The following WWTR1 variants were observed in gnomAD, a reference collection of about 807,000 sequenced individuals.
WWTR1 encodes the protein WW domain-containing transcription regulator protein 1.
A neutral mutation model predicts 40.1 loss-of-function variants in WWTR1; 13 were observed. The observed-to-expected ratio is 0.32, with a 90% CI of 0.21 to 0.52. The LOEUF (loss-of-function observed/expected upper bound fraction) is 0.52. Ranked by LOEUF, WWTR1 falls within the 20% of genes least tolerant of loss-of-function variation. WWTR1 has a pLI of 0.97. For synonymous variants in WWTR1, 230 were observed against 210.1 expected (o/e 1.09, Z -0.82); for missense variants, 436 against 523.1 (o/e 0.83, Z 1.63).
chr3:149,576,376 CTCTG>C, intron 2 of WWTR1: 1 of 289,428 alleles, frequency 3.5e-6, no homozygotes, highest in South Asian at 3.7e-5. Flanking sequence ...CACTCTTTCA[CTCTG>C]CTGTCTCATC....
chr3:149,601,897 G>A (rs939147000), intron 2 of WWTR1, among the ~76,000 whole-genome samples: 8 of 152,028 alleles, frequency 5.3e-5, no homozygotes, highest in African/African-American at 1.7e-4. Context: ...GCCTCAGAAC[G>A]GAAGAAATTC....
chr3:149,585,707 A>C (rs887381375), intron 2 of WWTR1, among the ~76,000 whole-genome samples: 3 of 152,222 alleles, frequency 2.0e-5, no homozygotes, highest in Non-Finnish European at 2.9e-5. Context: ...TCTCCCATTT[A>C]AAGTAGAAAG....
At chr3:149,618,012 G>C (rs1740074079) in intron 2 of WWTR1, among the ~76,000 whole-genome samples, 1 of 152,136 alleles carries the variant, frequency 6.6e-6, no homozygotes, top group Non-Finnish European at 1.5e-5. Flanking sequence ...ATATACAAAT[G>C]ATAGACTATG....
chr3:149,589,669 T>C (rs1738605235), intron 2 of WWTR1, among the ~76,000 whole-genome samples: 1 of 151,912 alleles, frequency 6.6e-6, no homozygotes, highest in East Asian at 1.9e-4. Flanking sequence ...TTAATGGTGT[T>C]AAAATGAAAG....
chr3:149,712,171 T>C, intron 5 of WWTR1, among the ~76,000 whole-genome samples: 1 of 152,196 alleles, frequency 6.6e-6, no homozygotes, highest in Non-Finnish European at 1.5e-5. Context: ...GTATCTGTAG[T>C]CCAACCTACT....
chr3:149,628,987 G>C (rs1711498890), intron 2 of WWTR1, among the ~76,000 whole-genome samples: 1 of 152,084 alleles, frequency 6.6e-6, no homozygotes, highest in African/African-American at 2.4e-5. Flanking sequence ...GCCCAGGCTA[G>C]TCTCGAACTC....
intron 2 of WWTR1, among the ~76,000 whole-genome samples, chr3:149,651,435 G>A (rs1045437481): frequency 2.6e-5 from 4 of 152,152 alleles, no homozygotes; most frequent in African/African-American, 7.2e-5. Flanking sequence ...AGTTCAGAAC[G>A]GCACAGAACG....
chr3:149,690,014 G>A lies in WWTR1; in HGVS notation c.-108+13110C>T, dbSNP rs371254342. 7.9e-5 allele frequency among the ~76,000 whole-genome samples: 12 copies of A among 152,170 alleles called. No individual in the cohort carries two copies. In the East Asian group the frequency reaches 2.1e-3, roughly 27 times the overall value. ...GTATAGTTTTTATTAGTTTTCCCTT[G>A]GCTTGTTAGTTTCTTTGTTTTTGCA... On this transcript the variant is annotated intron_variant, in intron 1 of 7. Transcript: ENST00000465804.
At chr3:149,720,043 G>A (rs1213604028) in intron 4 of WWTR1, among the ~76,000 whole-genome samples, 1 of 152,166 alleles carries the variant, frequency 6.6e-6, no homozygotes, top group Non-Finnish European at 1.5e-5. Context: ...TATATGACGT[G>A]TAAATATATT....
intron 4 of WWTR1, among the ~76,000 whole-genome samples, chr3:149,529,191 T>C (rs1012070022): frequency 1.3e-5 from 2 of 152,250 alleles, no homozygotes; most frequent in African/African-American, 4.8e-5. Context: ...AAGTCATTGG[T>C]CTCACTGTCC....
chr3:149,574,303 G>A (rs1297028554), intron 2 of WWTR1, among the ~76,000 whole-genome samples: 1 of 152,102 alleles, frequency 6.6e-6, no homozygotes, highest in Non-Finnish European at 1.5e-5. Flanking sequence ...GTCTCCCAAA[G>A]TGCTGGGATT....
At chr3:149,694,349 G>A (rs908419638) in intron 1 of WWTR1, among the ~76,000 whole-genome samples, 9 of 152,166 alleles carry the variant, frequency 5.9e-5, no homozygotes, top group African/African-American at 2.2e-4. Flanking sequence ...AGCCGAGATC[G>A]CATCACTGCA....
At chr3:149,629,435 C>T (rs1485730482) in intron 2 of WWTR1, among the ~76,000 whole-genome samples, 3 of 152,174 alleles carry the variant, frequency 2.0e-5, no homozygotes, top group Non-Finnish European at 2.9e-5. Flanking sequence ...ATCTGCTAAG[C>T]GAAGCTAACC....
rs115044238 is a variant in WWTR1, at chr3:149,686,171, C to T, written c.-107-16280G>A. Among the ~76,000 whole-genome samples, 709 of 152,248 alleles carry T rather than the reference C, an allele frequency of 4.7e-3. 6 individuals are homozygous for T. Among genetic ancestry groups the T allele is most frequent in the African/African-American group, 0.016 (658 of 41,536 alleles). On this transcript the variant is annotated intron_variant, in intron 1 of 7. Coordinates refer to the WWTR1 transcript ENST00000465804. ...ACCTTTATGTTTGGCTGATGCAGTG[C>T]CCCACAATGACATAAATGACTCCAG...
chr3:149,597,788 T>C (rs548469100), intron 2 of WWTR1, among the ~76,000 whole-genome samples: 17 of 152,348 alleles, frequency 1.1e-4, no homozygotes, highest in African/African-American at 2.9e-4. Flanking sequence ...TGGACACAAG[T>C]GCACTTTACT....
chr3:149,572,667 A>T (rs760297208), intron 3 of WWTR1, among the ~76,000 whole-genome samples, 197 bp downstream of exon 3: 1 of 151,788 alleles, frequency 6.6e-6, no homozygotes, highest in Non-Finnish European at 1.5e-5. Flanking sequence ...ATTGAACACC[A>T]TTTCTTCAGC....
upstream of WWTR1, among the ~76,000 whole-genome samples, chr3:149,661,739 T>TTC (rs915268131): frequency 3.3e-5 from 5 of 149,744 alleles, no homozygotes; most frequent in African/African-American, 1.2e-4. Flanking sequence ...TAAAGTTTTT[T>TTC]TTTTTTTTTT....
intron 1 of WWTR1, among the ~76,000 whole-genome samples, chr3:149,678,883 T>C (rs1474819258): frequency 6.6e-6 from 1 of 150,774 alleles, no homozygotes; most frequent in Non-Finnish European, 1.5e-5. Flanking sequence ...AGTGCAATGG[T>C]GCAGTGGCGT....
intron 4 of WWTR1, among the ~76,000 whole-genome samples, chr3:149,530,292 G>A (rs1489021446): frequency 6.6e-6 from 1 of 151,678 alleles, no homozygotes; most frequent in Non-Finnish European, 1.5e-5. Flanking sequence ...AGGTTGCATT[G>A]AGCCGAGATT....
Sources: gnomAD v4.1 joint callset for allele counts (sites outside exome capture counted in the v4.1 genomes callset) on GRCh38, gnomAD v4.1.1 for gene constraint, MANE v1.5 for transcripts, NCBI Gene and HGNC (gene_info 2026-07-23, HGNC 2026-07-21) for gene names.